Variants in GRM5 observed in about 807,000 individuals in gnomAD.
GRM5 encodes metabotropic glutamate receptor 5.
Under a neutral mutation model 83.1 loss-of-function variants are expected in GRM5, and 19 were observed. That is an observed-to-expected ratio of 0.23 (90% confidence interval 0.16 to 0.34). GRM5 has a LOEUF of 0.34. Among genes scored for constraint, GRM5 ranks in the 10% least tolerant of loss-of-function variants. GRM5 has a pLI of 1.00. For synonymous variants in GRM5, 675 were observed against 633.6 expected (o/e 1.07, Z -0.98); for missense variants, 1,160 against 1,588.3 (o/e 0.73, Z 4.58).
intron 2 of GRM5, among the ~76,000 whole-genome samples, chr11:88,908,869 T>C (rs1264018031): frequency 6.6e-6 from 1 of 152,126 alleles, no homozygotes; most frequent in Admixed American, 6.6e-5. Context: ...TGAGTTTACC[T>C]ATATGCATAT....
At chr11:88,987,459 G>C (rs1939767143) in intron 2 of GRM5, among the ~76,000 whole-genome samples, 2 of 151,778 alleles carry the variant, frequency 1.3e-5, no homozygotes, top group African/African-American at 4.8e-5. Flanking sequence ...GCCCAGGCTT[G>C]CTTAGGTAAA....
At chr11:88,603,898 G>A (rs1178737812) in intron 5 of GRM5, among the ~76,000 whole-genome samples, 8 of 152,182 alleles carry the variant, frequency 5.3e-5, no homozygotes, top group Non-Finnish European at 1.2e-4. Context: ...TTAAGTATGA[G>A]CTATTGCTAG....
intron 3 of GRM5, among the ~76,000 whole-genome samples, chr11:88,793,918 T>TGGGCTCCTGTGGTCCTCCTGTCTC (rs1352786230): frequency 9.2e-5 from 14 of 152,130 alleles, no homozygotes; most frequent in African/African-American, 3.1e-4. Context: ...TTCAACCTGC[T>TGGGCTCCTGTGGTCCTCCTGTCTC]GGGCTCCTGT....
chr11:88,884,517 C>T (rs1013628084), intron 2 of GRM5, among the ~76,000 whole-genome samples: 3 of 152,096 alleles, frequency 2.0e-5, no homozygotes, highest in African/African-American at 7.2e-5. Context: ...TGAGTTAAAC[C>T]TTTTGGGGAC....
At chr11:88,678,145 A>T (rs1591434327) in intron 3 of GRM5, among the ~76,000 whole-genome samples, 1 of 152,000 alleles carries the variant, frequency 6.6e-6, no homozygotes, top group East Asian at 1.9e-4. Context: ...TGCAGCCTCA[A>T]ACTGCTGGCC....
intron 2 of GRM5, among the ~76,000 whole-genome samples, chr11:88,919,930 G>A (rs531996197): frequency 1.3e-5 from 2 of 151,902 alleles, no homozygotes; most frequent in Admixed American, 6.6e-5. Flanking sequence ...ATACCAATAA[G>A]TGCCTACATT....
chr11:88,520,766 T>C (rs1941657946), intron 9 of GRM5, among the ~76,000 whole-genome samples: 1 of 152,158 alleles, frequency 6.6e-6, no homozygotes, highest in East Asian at 1.9e-4. Context: ...TATTTGGGGC[T>C]ATCTGAGGTC....
intron 3 of GRM5, among the ~76,000 whole-genome samples, chr11:88,831,842 C>G (rs558356597): frequency 1.3e-5 from 2 of 152,320 alleles, no homozygotes; most frequent in Admixed American, 6.5e-5. Context: ...ATCTACCTAC[C>G]TGCCCAATGC....
intron 3 of GRM5, among the ~76,000 whole-genome samples, chr11:88,805,546 C>A (rs1590871333): frequency 6.6e-6 from 1 of 151,852 alleles, no homozygotes; most frequent in South Asian, 2.1e-4. Context: ...TGTTGGTTTC[C>A]AAAAAATAGA....
intron 3 of GRM5, among the ~76,000 whole-genome samples, chr11:88,746,229 C>T (rs1942138354): frequency 6.6e-6 from 1 of 151,762 alleles, no homozygotes; most frequent in South Asian, 2.1e-4. Context: ...ATTATTCTTA[C>T]TCCCACAGCT....
intron 3 of GRM5, among the ~76,000 whole-genome samples, chr11:88,737,928 C>G (rs539718263): frequency 6.6e-6 from 1 of 151,896 alleles, no homozygotes; most frequent in African/African-American, 2.4e-5. Context: ...GTTCATGAAC[C>G]TTTCCAACAA....
chr11:89,053,597 C>T (rs1256156824), intron 1 of GRM5, among the ~76,000 whole-genome samples: 1 of 151,808 alleles, frequency 6.6e-6, no homozygotes, highest in Non-Finnish European at 1.5e-5. Flanking sequence ...CATTATGGAG[C>T]CTGTATTCGA....
At chr11:88,706,371 C>T (rs1941158584) in intron 3 of GRM5, among the ~76,000 whole-genome samples, 1 of 152,018 alleles carries the variant, frequency 6.6e-6, no homozygotes. Flanking sequence ...ATTTATTGCA[C>T]TATATTGTAA....
rs186500727 is a variant in GRM5, at chr11:88,751,833, A to C, written c.911+98073T>G. Among the ~76,000 whole-genome samples the C allele has an allele frequency of 2.5e-3, 388 of 152,332 alleles. 1 individual carries two copies. Among genetic ancestry groups the C allele is most frequent in the African/African-American group, 8.8e-3 (366 of 41,574 alleles). On this transcript the variant is annotated intron_variant, in intron 3 of 9. Transcript: ENST00000305447. The stretch of plus-strand genomic sequence containing the variant: ...AATAAATGTAATTCATCACATAAAC[A>C]GAACTAAAGACAAAAACCACACGAT...
chr11:88,970,469 A>G (rs927505748), intron 2 of GRM5, among the ~76,000 whole-genome samples: 5 of 152,222 alleles, frequency 3.3e-5, no homozygotes, highest in Non-Finnish European at 7.3e-5. Context: ...TGGTTAAAAC[A>G]TCATCATTTG....
intron 3 of GRM5, among the ~76,000 whole-genome samples, chr11:88,662,306 C>A (rs956119243): frequency 1.3e-5 from 2 of 152,138 alleles, no homozygotes; most frequent in South Asian, 4.1e-4. Flanking sequence ...TTCTAAAACT[C>A]CAGCACATTT....
At chr11:88,831,182 T>C (rs1424611680) in intron 3 of GRM5, among the ~76,000 whole-genome samples, 1 of 152,178 alleles carries the variant, frequency 6.6e-6, no homozygotes, top group Non-Finnish European at 1.5e-5. Flanking sequence ...TGAATCTCCT[T>C]ATTCCTGGAG....
chr11:88,795,278 T>C (rs1221083280), intron 3 of GRM5, among the ~76,000 whole-genome samples: 1 of 152,220 alleles, frequency 6.6e-6, no homozygotes, highest in Non-Finnish European at 1.5e-5. Context: ...TGGTTACAGA[T>C]TCTGATCCAG....
At chr11:88,564,339 G>A (rs778630450) in intron 8 of GRM5, among the ~76,000 whole-genome samples, 36 of 152,258 alleles carry the variant, frequency 2.4e-4, no homozygotes, top group Middle Eastern at 3.4e-3. Flanking sequence ...AAAATCTTTA[G>A]AATTTCCGTT....
Sources: gnomAD v4.1 joint callset for allele counts (sites outside exome capture counted in the v4.1 genomes callset) on GRCh38, gnomAD v4.1.1 for gene constraint, MANE v1.5 for transcripts, NCBI Gene and HGNC (gene_info 2026-07-23, HGNC 2026-07-21) for gene names.